Variants in AGAP1 observed in about 807,000 individuals in gnomAD.
AGAP1 encodes the protein ArfGAP with GTPase domain, ankyrin repeat and PH domain 1, also known as arf-GAP with GTPase, ANK repeat and PH domain-containing protein 1.
Under a neutral mutation model 105.3 loss-of-function variants are expected in AGAP1, and 29 were observed. The observed-to-expected ratio is 0.28, with a 90% confidence interval of 0.21 to 0.38. The LOEUF (loss-of-function observed/expected upper bound fraction) is 0.38. Ranked by LOEUF, AGAP1 falls within the 10% of genes least tolerant of loss-of-function variation. The pLI, the probability that AGAP1 is intolerant of heterozygous loss-of-function variation, is 1.00. For synonymous variants in AGAP1, 509 were observed against 485.9 expected (o/e 1.05, Z -0.63); for missense variants, 998 against 1,165.1 (o/e 0.86, Z 2.09).
chr2:235,651,248 C>T (rs536490006), intron 1 of AGAP1, among the ~76,000 whole-genome samples: 5 of 145,534 alleles, frequency 3.4e-5, no homozygotes, highest in South Asian at 2.2e-4. Context: ...GGTCACAGGC[C>T]GAGGAACCTG....
Position 235,509,396 on chromosome 2 carries a change from G to A in AGAP1, c.163+14547G>A, listed in dbSNP as rs190578772. On this transcript the variant is annotated intron_variant, in intron 1 of 17. Transcript: ENST00000304032. ...ATTACAGACATCCACAACCACGCCC[G>A]GCTAATTTTTGTATTTTTAGTAGAG... 2.5e-3 allele frequency among the ~76,000 whole-genome samples: 378 copies of A among 152,070 alleles called. 2 individuals carry two copies. The highest frequency in any genetic ancestry group is 8.5e-3 in the African/African-American group (354 of 41,494).
intron 9 of AGAP1, among the ~76,000 whole-genome samples, chr2:235,844,314 T>TG (rs1042894497): frequency 5.9e-5 from 9 of 152,126 alleles, no homozygotes; most frequent in African/African-American, 2.2e-4. Flanking sequence ...AGGGTCTGGG[T>TG]GAACAGGGAG....
chr2:235,709,563 GTCCTT>G (rs1441955788), intron 2 of AGAP1, among the ~76,000 whole-genome samples: 32 of 151,742 alleles, frequency 2.1e-4, no homozygotes, highest in Non-Finnish European at 4.1e-4. Flanking sequence ...GGGTTGATTT[GTCCTT>G]TGCAGGATGT....
At chr2:235,497,690 G>C (rs1454989552) in intron 1 of AGAP1, among the ~76,000 whole-genome samples, 1 of 152,200 alleles carries the variant, frequency 6.6e-6, no homozygotes, top group South Asian at 2.1e-4. Context: ...TCCGCCCCGG[G>C]TTCACGCCAT....
chr2:235,530,183 G>A (rs1048480709), intron 1 of AGAP1, among the ~76,000 whole-genome samples: 1 of 152,144 alleles, frequency 6.6e-6, no homozygotes, highest in African/African-American at 2.4e-5. Flanking sequence ...GCAGGTTCAC[G>A]AACTGACCAG....
intron 1 of AGAP1, among the ~76,000 whole-genome samples, chr2:235,643,711 T>G (rs1947280242): frequency 6.6e-6 from 1 of 151,926 alleles, no homozygotes; most frequent in Non-Finnish European, 1.5e-5. Context: ...ATCTAGTATA[T>G]CCATCTGAGC....
Position 235,732,149 on chromosome 2 carries a change from T to C in AGAP1, c.311-8814T>C, listed in dbSNP as rs1407132954. On this transcript the variant is annotated intron_variant, in intron 3 of 17. Coordinates refer to ENST00000304032, the MANE Select transcript of AGAP1 (RefSeq NM_001037131.3). The surrounding 1 kb of genome is among the most constrained non-coding windows in gnomAD (Gnocchi z 4.8). ...CTCAGGAACATTCCTTTGTCTTTTATCTTCGAATAGTCTTTGAGTTCTTTT... is the reference window on the plus strand; with the variant it reads ...CTCAGGAACATTCCTTTGTCTTTTACCTTCGAATAGTCTTTGAGTTCTTTT... Among the ~76,000 whole-genome samples, 1 of 152,252 alleles carries C rather than the reference T, an allele frequency of 6.6e-6. No individual in the cohort carries two copies. Among genetic ancestry groups the C allele is most frequent in the Non-Finnish European group, 1.5e-5 (1 of 68,048 alleles).
rs1488720256 is a variant in AGAP1, at chr2:236,127,393, T to C, written c.*3271T>C. ...TCACTGGCCCCAAAACCAGGTGCAG[T>C]GTCCTGTCTCCCAAGTGTGTGCACA... is the stretch of plus-strand genomic sequence containing the variant. On this transcript the variant is annotated 3_prime_UTR_variant, in exon 18 of 18. Transcript: ENST00000304032. This position sits in a 1 kb window ranked among gnomAD's most constrained non-coding sequence, Gnocchi z 6.6. 6.6e-6 allele frequency: 1 copy of C among 152,202 alleles called. No individual in the cohort carries two copies. The highest frequency in any genetic ancestry group is 1.5e-5 in the Non-Finnish European group (1 of 68,042). 9.4% of individuals were successfully genotyped at this position (152,202 alleles called of 1,614,324 possible). A position where few individuals can be genotyped will look rare whatever the true frequency, so the allele number is the denominator to read the frequency against.
At chr2:235,939,397 T>A (rs1271095048) in intron 12 of AGAP1, among the ~76,000 whole-genome samples, 2 of 151,988 alleles carry the variant, frequency 1.3e-5, no homozygotes, top group African/African-American at 4.8e-5. Flanking sequence ...CCTCTCATCT[T>A]CCAAGGGACT....
intron 9 of AGAP1, among the ~76,000 whole-genome samples, chr2:235,814,877 G>C (rs567456737): frequency 6.6e-6 from 1 of 152,130 alleles, no homozygotes; most frequent in Non-Finnish European, 1.5e-5. Flanking sequence ...CTGCAGAGAA[G>C]GGTTGATTTC....
chr2:235,636,038 G>C (rs1350202107), intron 1 of AGAP1, among the ~76,000 whole-genome samples: 1 of 151,922 alleles, frequency 6.6e-6, no homozygotes, highest in Non-Finnish European at 1.5e-5. Context: ...GCTTGAACCC[G>C]GAAGGTGGAG....
rs2049257370 is a variant in AGAP1 at position 235,867,867 on chromosome 2, C to T, written c.1051-15478C>T. 6.6e-6 allele frequency among the ~76,000 whole-genome samples: 1 copy of T among 152,048 alleles called. No individual in the cohort carries two copies. Among genetic ancestry groups the T allele is most frequent in the Non-Finnish European group, 1.5e-5 (1 of 68,020 alleles). On this transcript the variant is annotated intron_variant, in intron 9 of 17. Transcript: ENST00000304032. The surrounding 1 kb of genome is among the most constrained non-coding windows in gnomAD (Gnocchi z 5.4). ...TCTCCAGTTTCCAATGATGACATTC[C>T]ATCCACCCACCACCCACCCAGATGC...
chr2:235,715,048 C>T (rs768621954), intron 2 of AGAP1, among the ~76,000 whole-genome samples: 3 of 152,150 alleles, frequency 2.0e-5, no homozygotes, highest in Non-Finnish European at 4.4e-5. Context: ...CTGCCCGCTT[C>T]GGCCCCCCAA....
intron 16 of AGAP1, among the ~76,000 whole-genome samples, chr2:236,111,789 CAAAAAAAA>C (rs3030776): frequency 1.4e-4 from 17 of 120,300 alleles, no homozygotes; most frequent in Non-Finnish European, 2.9e-4. Context: ...GACTCTATCT[CAAAAAAAA>C]AAAAAAAAAA....
chr2:236,067,178 G>A (rs1003803866), intron 16 of AGAP1, among the ~76,000 whole-genome samples: 5 of 151,944 alleles, frequency 3.3e-5, no homozygotes, highest in African/African-American at 4.8e-5. Context: ...TGTGTGACCC[G>A]GGCTGGATGT....
At chr2:235,541,219 G>A (rs975903976) in intron 1 of AGAP1, among the ~76,000 whole-genome samples, 3 of 151,904 alleles carry the variant, frequency 2.0e-5, no homozygotes, top group African/African-American at 4.8e-5. Flanking sequence ...ACAGATTAAG[G>A]GATAATAAAA....
chr2:235,954,949 C>T (rs1355745789), intron 12 of AGAP1, among the ~76,000 whole-genome samples: 2 of 152,156 alleles, frequency 1.3e-5, no homozygotes, highest in Non-Finnish European at 2.9e-5. Context: ...GGCCACATGG[C>T]ACTGCCTCCC....
intron 12 of AGAP1, among the ~76,000 whole-genome samples, chr2:235,941,310 G>A (rs1337382948): frequency 6.6e-6 from 1 of 152,188 alleles, no homozygotes; most frequent in African/African-American, 2.4e-5. Flanking sequence ...ATGTAGATTA[G>A]ATACATTTCA....
rs553073612 is a variant in AGAP1 at position 235,733,888 on chromosome 2, G to A, written c.311-7075G>A. Among the ~76,000 whole-genome samples, 3 of 152,114 alleles carry A rather than the reference G, an allele frequency of 2.0e-5. No individual in the cohort carries two copies. The South Asian group carries it at 6.2e-4, about 32-fold the overall frequency. ...GTGAAATCTGATTTGGCTAAATTTT[G>A]TAAACAAAGATGTTACCAATAAAAC... On this transcript the variant is annotated intron_variant, in intron 3 of 17. Coordinates refer to ENST00000304032, the MANE Select transcript of AGAP1 (RefSeq NM_001037131.3). This position sits in a 1 kb window ranked among gnomAD's most constrained non-coding sequence, Gnocchi z 5.0.
Sources: gnomAD v4.1 joint callset for allele counts (sites outside exome capture counted in the v4.1 genomes callset) on GRCh38, gnomAD v4.1.1 for gene constraint, Gnocchi (gnomAD v3.1) non-coding constraint, MANE v1.5 for transcripts, NCBI Gene and HGNC (gene_info 2026-07-23, HGNC 2026-07-21) for gene names.